CREB1: variants seen among roughly 807,000 people sequenced by gnomAD.
CREB1 encodes cAMP responsive element binding protein 1.
Under a neutral mutation model 42.0 loss-of-function variants are expected in CREB1, and 2 were observed. The observed-to-expected ratio is 0.05, with a 90% confidence interval of 0.02 to 0.15. The LOEUF (loss-of-function observed/expected upper bound fraction) is 0.15. Among genes scored for constraint, CREB1 ranks in the 10% least tolerant of loss-of-function variants. CREB1 has a pLI of 1.00. For synonymous variants in CREB1, 123 were observed against 139.9 expected (o/e 0.88, Z 0.85); for missense variants, 199 against 388.9 (o/e 0.51, Z 4.11).
intron 5 of CREB1, among the ~76,000 whole-genome samples, chr2:207,573,589 A>G (rs886374733): frequency 2.0e-5 from 3 of 152,140 alleles, no homozygotes; most frequent in African/African-American, 7.2e-5. Context: ...ATGTCTTTAG[A>G]AAATTAGTAG....
At chr2:207,560,521 T>G (rs1178534614) in intron 3 of CREB1, 149 bp downstream of exon 3, 1 of 655,276 alleles carries the variant, frequency 1.5e-6, no homozygotes, top group South Asian at 3.1e-5. Flanking sequence ...TATAGTCACC[T>G]TATGTATAGG....
intron 4 of CREB1, 72 bp from the exon 5 acceptor site, chr2:207,570,107 T>A: frequency 8.5e-7 from 1 of 1,173,100 alleles, no homozygotes; most frequent in South Asian, 1.6e-5. Context: ...TTTTCTCATC[T>A]TTAACTATAT....
intron 7 of CREB1, chr2:207,581,297 T>G (rs967440156): frequency 5.1e-6 from 1 of 197,054 alleles, no homozygotes; most frequent in Non-Finnish European, 1.0e-5. Context: ...CTAAAAAAAT[T>G]AAAATGTATT....
rs1336767634 is a variant in CREB1, at chr2:207,602,558, T to C, written c.*5500T>C. ...CATCTCAGAGAAGTGAGAGTAAATCTGAGTTAGCTTAAAAATTGGTAGGGA... is the reference window on the plus strand; with the variant it reads ...CATCTCAGAGAAGTGAGAGTAAATCCGAGTTAGCTTAAAAATTGGTAGGGA... On this transcript the variant is annotated 3_prime_UTR_variant, in exon 8 of 8. Transcript: ENST00000353267. 1 of 211,150 alleles carries C rather than the reference T, an allele frequency of 4.7e-6. No homozygotes were observed. The highest frequency in any genetic ancestry group is 2.3e-5 in the African/African-American group (1 of 44,110). The allele number at this position is 211,150 out of a possible 1,614,324, so 13.1% of individuals were successfully genotyped here. A position where few individuals can be genotyped will look rare whatever the true frequency, so the allele number is the denominator to read the frequency against.
At chr2:207,587,160 A>G (rs1329777655) in intron 7 of CREB1, among the ~76,000 whole-genome samples, 2 of 152,114 alleles carry the variant, frequency 1.3e-5, no homozygotes, top group East Asian at 1.9e-4. Context: ...TTGGGAGGCC[A>G]AGGCGGGTGG....
intron 5 of CREB1, among the ~76,000 whole-genome samples, chr2:207,571,428 A>G (rs930716416): frequency 6.6e-6 from 1 of 152,166 alleles, no homozygotes; most frequent in Non-Finnish European, 1.5e-5. Context: ...TCTAATTTGC[A>G]TTCCCATCTG....
Position 207,555,737 on chromosome 2 carries a change from C to T in CREB1, c.102C>T (p.Ala34=), listed in dbSNP as rs2106454836. The T allele has an allele frequency of 2.5e-6, 4 of 1,609,634 alleles. No homozygotes were observed. The East Asian group carries it at 6.7e-5, about 27-fold the overall frequency. Reference sequence around the variant, plus strand: ...CAGTTCAAGCCCAGCCACAGATTGCCACATTAGCCCAGGTATAAAATACAT... The same window carrying T: ...CAGTTCAAGCCCAGCCACAGATTGCTACATTAGCCCAGGTATAAAATACAT... The part of the protein sequence containing the change: ...QMTVQAQPQI[A]TLAQVSMPAA... The change falls in exon 2 of 8, where the codon GCC becomes GCT. Residue 34 remains alanine, a synonymous_variant. Coordinates refer to ENST00000353267, the MANE Select transcript of CREB1 (RefSeq NM_004379.5).
At chr2:207,581,910 T>C in intron 7 of CREB1, 1 of 703,024 alleles carries the variant, frequency 1.4e-6, no homozygotes, top group Non-Finnish European at 2.6e-6. Context: ...CTGTTTTCTT[T>C]TAGAATATCC....
In CREB1 at chr2:207,601,814, GAT is replaced by G. The variant is rs1239643614; in HGVS notation, c.*4758_*4759del. Reference sequence around the variant, plus strand: ...TAAGGCTGTAGGTGAAGAGTTGTGAGATAAATAGTTCACTCAGTTGTACAAAG... The same window carrying G: ...TAAGGCTGTAGGTGAAGAGTTGTGAGAAATAGTTCACTCAGTTGTACAAAG... On this transcript the variant is annotated 3_prime_UTR_variant, in exon 8 of 8. Coordinates refer to ENST00000353267, the MANE Select transcript of CREB1 (RefSeq NM_004379.5). 5.9e-5 allele frequency: 13 copies of G among 219,396 alleles called. No individual in the cohort carries two copies. The East Asian group carries it at 8.1e-4, about 14-fold the overall frequency. The allele number at this position is 219,396 out of a possible 1,614,324, so 13.6% of individuals were successfully genotyped here. A position where few individuals can be genotyped will look rare whatever the true frequency, so the allele number is the denominator to read the frequency against.
At chr2:207,595,785 TC>T (rs2086037416) in intron 7 of CREB1, among the ~76,000 whole-genome samples, 1 of 152,074 alleles carries the variant, frequency 6.6e-6, no homozygotes, top group African/African-American at 2.4e-5. Flanking sequence ...CCCAGGCTGT[TC>T]TTGAACACAT....
At position 207,553,204 on chromosome 2, in the gene CREB1, G is replaced by A. The variant is rs191268382; in HGVS notation, c.-8-2424G>A. ...CTGCCTCAGCCTCCCGAGTATCTGG[G>A]ATTACAGGTGCCCACTGCCACACCC... is the stretch of plus-strand genomic sequence containing the variant. On this transcript the variant is annotated intron_variant, in intron 1 of 7. Transcript: ENST00000353267. Among the ~76,000 whole-genome samples, 253 of 151,188 alleles carry A rather than the reference G, an allele frequency of 1.7e-3. 1 individual carries two copies. The highest frequency in any genetic ancestry group is 6.0e-3 in the African/African-American group (246 of 41,212).
At chr2:207,593,550 A>T (rs1308230644) in intron 7 of CREB1, among the ~76,000 whole-genome samples, 4 of 152,026 alleles carry the variant, frequency 2.6e-5, no homozygotes. Flanking sequence ...AATAGAAGCA[A>T]ATGCTACTTT....
intron 1 of CREB1, among the ~76,000 whole-genome samples, chr2:207,549,378 A>G (rs2081414544): frequency 6.6e-6 from 1 of 152,102 alleles, no homozygotes; most frequent in African/African-American, 2.4e-5. Context: ...GCCAGGTTGG[A>G]CATATGGTAA....
Position 207,603,350 on chromosome 2 carries a change from A to C in CREB1, c.*6292A>C, listed in dbSNP as rs1475108647. The C allele has an allele frequency of 1.3e-5, 3 of 224,264 alleles. No homozygotes were observed. The highest frequency in any genetic ancestry group is 2.7e-5 in the Non-Finnish European group (3 of 112,530). 13.9% of individuals were successfully genotyped at this position (224,264 alleles called of 1,614,324 possible). A position where few individuals can be genotyped will look rare whatever the true frequency, so the allele number is the denominator to read the frequency against. On this transcript the variant is annotated 3_prime_UTR_variant, in exon 8 of 8. Transcript: ENST00000353267. ...GTCATAAAGTGCTTTTTCTTACTGT[A>C]ATCTTTGTGGTATCAACTGTCATAA...
In CREB1 at chr2:207,577,359, G is replaced by C. The variant is rs1050697125; in HGVS notation, c.689-146G>C. The C allele has an allele frequency of 3.4e-6, 4 of 1,182,180 alleles. No individual in the cohort carries two copies. The African/African-American group carries it at 6.2e-5, about 18-fold the overall frequency. 73.2% of individuals were successfully genotyped at this position (1,182,180 alleles called of 1,614,324 possible). On this transcript the variant is annotated intron_variant, in intron 6 of 7. Transcript: ENST00000353267. ...TCTTAGTAGTGGCGCGAAGAGTGCT[G>C]ATTCTTTCAACGCTTTAGCCAGAAT... is the stretch of plus-strand genomic sequence containing the variant.
At chr2:207,548,152 CA>C (rs969809862) in intron 1 of CREB1, among the ~76,000 whole-genome samples, 2 of 152,084 alleles carry the variant, frequency 1.3e-5, no homozygotes, top group Non-Finnish European at 2.9e-5. Context: ...AGGCAGATCG[CA>C]AACTGCCTCA....
At chr2:207,566,661 G>A (rs1347714885) in intron 3 of CREB1, among the ~76,000 whole-genome samples, 11 of 152,072 alleles carry the variant, frequency 7.2e-5, no homozygotes, top group Admixed American at 1.3e-4. Flanking sequence ...TTTGTGACTC[G>A]GGTGAGTTAC....
At chr2:207,539,493 TTATGG>T (rs1363226105) in intron 1 of CREB1, among the ~76,000 whole-genome samples, 1 of 152,186 alleles carries the variant, frequency 6.6e-6, no homozygotes, top group African/African-American at 2.4e-5. Flanking sequence ...ATTGACTTTA[TTATGG>T]TTGGTGAAAT....
chr2:207,574,169 G>T (rs2082483576), intron 5 of CREB1, among the ~76,000 whole-genome samples: 1 of 152,218 alleles, frequency 6.6e-6, no homozygotes, highest in Non-Finnish European at 1.5e-5. Flanking sequence ...GTCTCAGGAT[G>T]TTATTTCCCA....
Sources: allele counts gnomAD v4.1 joint callset (sites outside exome capture counted in the v4.1 genomes callset), GRCh38; gene constraint gnomAD v4.1.1; transcripts MANE v1.5; gene names NCBI Gene and HGNC (gene_info 2026-07-23, HGNC 2026-07-21).